AGL: variants seen among roughly 807,000 people sequenced by gnomAD.
AGL encodes glycogen debranching enzyme.
A neutral mutation model predicts 199.3 loss-of-function variants in AGL; 128 were observed. The observed-to-expected ratio is 0.64, with a 90% confidence interval of 0.56 to 0.74. AGL has a LOEUF of 0.74. Ranked by LOEUF, AGL falls within the 30% of genes least tolerant of loss-of-function variation. AGL has a pLI of 0.00. For missense variants in AGL, 1,809 were observed against 1,820.8 expected (o/e 0.99, Z 0.12); for synonymous variants, 584 against 594.7 (o/e 0.98, Z 0.26).
Position 99,850,997 on chromosome 1 carries a change from GTTCTT to G in AGL, c.-43_-39del. 1.3e-6 allele frequency: 2 copies of G among 1,490,778 alleles called. No homozygotes were observed. The highest frequency in any genetic ancestry group is 1.9e-6 in the Non-Finnish European group (2 of 1,068,114). 92.3% of individuals were successfully genotyped at this position (1,490,778 alleles called of 1,614,324 possible). ...TAGGGGTAACTCATTCGACTGTGGA[GTTCTT>G]TTAATTCTTATGAAAGATTTCAAAT... On this transcript the variant is annotated 5_prime_UTR_variant, in exon 2 of 34. Coordinates refer to ENST00000361915, the MANE Select transcript of AGL (RefSeq NM_000642.3).
intron 2 of AGL, 95 bp downstream of exon 2, chr1:99,851,219 T>A: frequency 8.7e-7 from 1 of 1,146,088 alleles, no homozygotes; most frequent in South Asian, 1.2e-5. Flanking sequence ...CTAAGATAAA[T>A]ATTATTTCCA....
chr1:99,875,549 G>C, intron 10 of AGL, 94 bp downstream of exon 10: 1 of 1,033,626 alleles, frequency 9.7e-7, no homozygotes, highest in Non-Finnish European at 1.5e-6. Context: ...TTTAACATGT[G>C]AGTTCAGTAC....
intron 2 of AGL, among the ~76,000 whole-genome samples, chr1:99,856,318 CCCTT>C (rs749592877): frequency 0.36 from 18,007 of 49,814 alleles, 1,795 homozygotes; most frequent in South Asian, 0.45. Context: ...CTCCCTCCCT[CCCTT>C]CCTTCCTCCC....
chr1:99,852,770 C>T lies in AGL; in HGVS notation c.82+1646C>T. The T allele has an allele frequency of 3.9e-6, 3 of 777,288 alleles. No individual in the cohort carries two copies. In the Admixed American group the frequency reaches 5.1e-5, roughly 13 times the overall value. 48.1% of individuals were successfully genotyped at this position (777,288 alleles called of 1,614,324 possible). A position where few individuals can be genotyped will look rare whatever the true frequency, so the allele number is the denominator to read the frequency against. On this transcript the variant is annotated intron_variant, in intron 2 of 33. Coordinates refer to ENST00000361915, the MANE Select transcript of AGL (RefSeq NM_000642.3). ...GTTTTGAGACTCAAAATTAATAATA[C>T]ATGAATTTTTTGTGATAAAGCCCTA...
intron 8 of AGL, 138 bp downstream of exon 8, chr1:99,874,948 CACATG>C: frequency 4.2e-6 from 5 of 1,203,176 alleles, no homozygotes; most frequent in Non-Finnish European, 5.9e-6. Flanking sequence ...ACTATTTCAG[CACATG>C]ACATTTTCCC....
chr1:99,868,216 GAAA>G (rs1438518911), intron 5 of AGL, among the ~76,000 whole-genome samples: 1 of 152,006 alleles, frequency 6.6e-6, no homozygotes, highest in South Asian at 2.1e-4. Context: ...TGTAGAATTA[GAAA>G]AAAATATTTT....
intron 20 of AGL, among the ~76,000 whole-genome samples, chr1:99,885,362 C>G (rs1652376828): frequency 6.6e-6 from 1 of 152,184 alleles, no homozygotes; most frequent in South Asian, 2.1e-4. Context: ...TTATAAAACA[C>G]TTAATACAAT....
intron 12 of AGL, among the ~76,000 whole-genome samples, chr1:99,878,222 A>G (rs11166363): frequency 0.52 from 78,284 of 151,774 alleles, 20,651 homozygotes; most frequent in East Asian, 0.67. Context: ...GTGTGTGCCT[A>G]TAGTCCCAGC....
At chr1:99,856,959 C>T (rs1273697605) in intron 2 of AGL, among the ~76,000 whole-genome samples, 1 of 152,260 alleles carries the variant, frequency 6.6e-6, no homozygotes, top group Non-Finnish European at 1.5e-5. Flanking sequence ...GTTGGGTACA[C>T]CTCCCAGACG....
At chr1:99,884,771 C>T (rs770456509) in intron 20 of AGL, 68 bp downstream of exon 20, 1 of 1,577,786 alleles carries the variant, frequency 6.3e-7, no homozygotes, top group Non-Finnish European at 8.7e-7. Context: ...CTGAATTAAG[C>T]AGTTTTAAGG....
chr1:99,894,756 G>A (rs367552457), intron 24 of AGL, among the ~76,000 whole-genome samples: 20 of 151,860 alleles, frequency 1.3e-4, no homozygotes, highest in South Asian at 4.2e-4. Flanking sequence ...TTCACTTTTC[G>A]ATCTACATTT....
chr1:99,896,794 GT>G (rs528025379), intron 25 of AGL, among the ~76,000 whole-genome samples: 3 of 151,818 alleles, frequency 2.0e-5, no homozygotes, highest in Admixed American at 6.6e-5. Context: ...ACTTAAAATG[GT>G]TTTTTTTGTT....
intron 3 of AGL, 40 bp downstream of exon 3, chr1:99,861,753 T>A: frequency 6.2e-7 from 1 of 1,604,318 alleles, no homozygotes; most frequent in African/African-American, 1.3e-5. Flanking sequence ...AAAGTTAATT[T>A]GTTCTGTAAT....
chr1:99,865,609 G>T (rs543997550), intron 5 of AGL, among the ~76,000 whole-genome samples: 1 of 152,190 alleles, frequency 6.6e-6, no homozygotes, highest in Non-Finnish European at 1.5e-5. Flanking sequence ...GCAGCTTTGG[G>T]TTTAACCCAG....
chr1:99,873,728 C>T (rs1440834953), intron 7 of AGL, among the ~76,000 whole-genome samples: 3 of 152,164 alleles, frequency 2.0e-5, no homozygotes, highest in Non-Finnish European at 2.9e-5. Flanking sequence ...GCCACCATGC[C>T]CGGCGGCAGT....
At chr1:99,868,235 C>T (rs1426793454) in intron 5 of AGL, among the ~76,000 whole-genome samples, 1 of 152,038 alleles carries the variant, frequency 6.6e-6, no homozygotes, top group African/African-American at 2.4e-5. Context: ...ATTTTCACTA[C>T]CTATTGTTTA....
intron 5 of AGL, among the ~76,000 whole-genome samples, chr1:99,865,684 T>C (rs1486793932): frequency 6.6e-6 from 1 of 152,214 alleles, no homozygotes; most frequent in Non-Finnish European, 1.5e-5. Context: ...ACCACTGATT[T>C]GCATATGTAA....
At chr1:99,880,197 C>CA in intron 13 of AGL, 151 bp downstream of exon 13, 3 of 1,264,298 alleles carry the variant, frequency 2.4e-6, no homozygotes, top group Middle Eastern at 2.1e-4. Context: ...TAATATAACT[C>CA]AGTCTATTTT....
At position 99,916,710 on chromosome 1, in the gene AGL, G is replaced by A. The variant is rs185681971; in HGVS notation, c.4460G>A (p.Arg1487Gln). The change falls in exon 33 of 34, where the codon CGA (arginine) becomes CAA (glutamine). Residue 1487 changes from arginine to glutamine, a missense_variant. Transcript: ENST00000361915. ...TIVLVKNVLS[R>Q]HYVHLERSPW... ...GTTTTGGTTAAAAATGTTCTTTCCC[G>A]ACATTATGTTCATCTTGAGAGGTAA... 4.0e-5 allele frequency: 64 copies of A among 1,613,076 alleles called. No homozygotes were observed. The East Asian group carries it at 6.9e-4, about 17-fold the overall frequency.
Sources: allele counts gnomAD v4.1 joint callset (sites outside exome capture counted in the v4.1 genomes callset), GRCh38; gene constraint gnomAD v4.1.1; transcripts MANE v1.5; gene names NCBI Gene and HGNC (gene_info 2026-07-23, HGNC 2026-07-21).